MGMT: variants seen among roughly 807,000 people sequenced by gnomAD.
MGMT encodes the protein O-6-methylguanine-DNA methyltransferase.
In MGMT, 14 loss-of-function variants were observed where a neutral mutation model predicts 15.9. That is an observed-to-expected ratio of 0.88 (90% CI 0.58 to 1.37). MGMT has a LOEUF of 1.37. Ranked by LOEUF, MGMT falls within the 40% of genes most tolerant of loss-of-function variation. MGMT has a pLI of 0.00. For synonymous variants in MGMT, 130 were observed against 118.2 expected, an observed-to-expected ratio of 1.10 and a Z score of -0.65; for missense variants, 282 against 268.1, an observed-to-expected ratio of 1.05 and a Z score of -0.36.
intron 1 of MGMT, among the ~76,000 whole-genome samples, chr10:129,497,348 C>T (rs943858714): frequency 3.9e-5 from 6 of 152,130 alleles, no homozygotes; most frequent in East Asian, 1.9e-4. Flanking sequence ...GCAGCAAGGG[C>T]GTGGTGAGGG....
At chr10:129,481,882 T>G (rs539085394) in intron 1 of MGMT, among the ~76,000 whole-genome samples, 1 of 152,310 alleles carries the variant, frequency 6.6e-6, no homozygotes, top group East Asian at 1.9e-4. Context: ...GAGAGCCAAC[T>G]TTCGTTACTT....
At chr10:129,558,529 C>G (rs1286460476) in intron 2 of MGMT, among the ~76,000 whole-genome samples, 1 of 152,142 alleles carries the variant, frequency 6.6e-6, no homozygotes, top group African/African-American at 2.4e-5. Context: ...GCCAGTTTGC[C>G]TGGTGGGGAG....
intron 2 of MGMT, among the ~76,000 whole-genome samples, chr10:129,540,699 A>G (rs546441054): frequency 6.6e-6 from 1 of 152,368 alleles, no homozygotes; most frequent in South Asian, 2.1e-4. Flanking sequence ...TTCTGATGAC[A>G]GATCAATTTG....
At chr10:129,652,583 C>A (rs1268864307) in intron 2 of MGMT, among the ~76,000 whole-genome samples, 4 of 152,252 alleles carry the variant, frequency 2.6e-5, no homozygotes, top group Non-Finnish European at 5.9e-5. Flanking sequence ...AGCATCGGCA[C>A]TCAGAGTCCC....
intron 2 of MGMT, among the ~76,000 whole-genome samples, chr10:129,560,954 A>T (rs1368316293): frequency 1.5e-5 from 2 of 133,220 alleles, no homozygotes; most frequent in Non-Finnish European, 3.2e-5. Flanking sequence ...AGTAAAGAGC[A>T]GTGTGTGTGT....
intron 2 of MGMT, among the ~76,000 whole-genome samples, chr10:129,680,910 T>C (rs1589933223): frequency 6.6e-6 from 1 of 152,340 alleles, no homozygotes; most frequent in African/African-American, 2.4e-5. Flanking sequence ...CTGTGCGTGC[T>C]TCCTGAGCGA....
At chr10:129,636,207 T>G (rs893970540) in intron 2 of MGMT, among the ~76,000 whole-genome samples, 1 of 152,198 alleles carries the variant, frequency 6.6e-6, no homozygotes, top group Non-Finnish European at 1.5e-5. Flanking sequence ...GCCTCGTATT[T>G]TCTCACCCGA....
At chr10:129,515,162 C>T (rs545719778) in intron 1 of MGMT, among the ~76,000 whole-genome samples, 22 of 150,456 alleles carry the variant, frequency 1.5e-4, no homozygotes, top group African/African-American at 5.2e-4. Flanking sequence ...CCAGCAGCAG[C>T]AGATCCACCT....
chr10:129,755,119 G>A (rs2133182058), intron 3 of MGMT, among the ~76,000 whole-genome samples: 1 of 152,366 alleles, frequency 6.6e-6, no homozygotes, highest in East Asian at 1.9e-4. Context: ...TCACGTAGCT[G>A]CTCTGTGCCT....
At chr10:129,585,379 C>T (rs905891127) in intron 2 of MGMT, among the ~76,000 whole-genome samples, 3 of 152,124 alleles carry the variant, frequency 2.0e-5, no homozygotes, top group Non-Finnish European at 4.4e-5. Context: ...TACAGTAGTT[C>T]CCCCTTAGTC....
intron 3 of MGMT, among the ~76,000 whole-genome samples, chr10:129,724,940 C>T (rs553925334): frequency 2.7e-4 from 41 of 152,216 alleles, no homozygotes; most frequent in Non-Finnish European, 5.1e-4. Flanking sequence ...CAGCGAGATA[C>T]TGAGTGCACT....
intron 4 of MGMT, among the ~76,000 whole-genome samples, chr10:129,763,672 A>G (rs901361796): frequency 6.6e-6 from 1 of 152,250 alleles, no homozygotes. Context: ...AACTAGATTG[A>G]ATTAAATGCC....
intron 3 of MGMT, among the ~76,000 whole-genome samples, chr10:129,742,892 G>A (rs756948937): frequency 8.6e-5 from 13 of 151,636 alleles, no homozygotes; most frequent in East Asian, 1.9e-4. Flanking sequence ...CTTCAGGGCC[G>A]GGGCATTCAG....
chr10:129,528,021 C>T (rs994717042), intron 1 of MGMT, among the ~76,000 whole-genome samples: 3 of 152,116 alleles, frequency 2.0e-5, no homozygotes, highest in Non-Finnish European at 4.4e-5. Context: ...CCTGGACTCC[C>T]CAGGACATCC....
At chr10:129,592,644 C>T (rs545731315) in intron 2 of MGMT, among the ~76,000 whole-genome samples, 1 of 152,280 alleles carries the variant, frequency 6.6e-6, no homozygotes, top group South Asian at 2.1e-4. Context: ...AGAGTATCCA[C>T]AGTGGCCCAA....
At chr10:129,752,618 A>G (rs757272635) in intron 3 of MGMT, among the ~76,000 whole-genome samples, 27 of 151,724 alleles carry the variant, frequency 1.8e-4, no homozygotes, top group Non-Finnish European at 3.5e-4. Context: ...ATCTCTTCAT[A>G]TAGTTTTTCT....
At chr10:129,762,009 C>T (rs1848879749) in intron 4 of MGMT, among the ~76,000 whole-genome samples, 1 of 152,214 alleles carries the variant, frequency 6.6e-6, no homozygotes, top group African/African-American at 2.4e-5. Context: ...CCATTAGAAA[C>T]CTCATTAGAA....
chr10:129,637,814 C>T (rs7899655), intron 2 of MGMT, among the ~76,000 whole-genome samples: 6,375 of 152,228 alleles, frequency 0.042, 430 homozygotes, highest in African/African-American at 0.14. Flanking sequence ...GGTGGCCGTC[C>T]GCAAGCCAAG....
chr10:129,519,442 T>G (rs775255199), intron 1 of MGMT, among the ~76,000 whole-genome samples: 1 of 152,244 alleles, frequency 6.6e-6, no homozygotes, highest in African/African-American at 2.4e-5. Flanking sequence ...CCTTGTGGAC[T>G]AGAGCATCGG....
Sources: gnomAD v4.1 joint callset for allele counts (sites outside exome capture counted in the v4.1 genomes callset) on GRCh38, gnomAD v4.1.1 for gene constraint, MANE v1.5 for transcripts, NCBI Gene and HGNC (gene_info 2026-07-23, HGNC 2026-07-21) for gene names.